Variants in RAB40C observed in about 807,000 individuals in gnomAD.
RAB40C encodes ras-related protein Rab-40C.
In RAB40C, 8 loss-of-function variants were observed where a neutral mutation model predicts 28.1. The ratio of observed to expected loss-of-function variants is 0.28; its 90% CI spans 0.17 to 0.51. RAB40C has a LOEUF of 0.51. RAB40C is among the 20% of genes least tolerant of loss of function. The pLI is 0.97. For missense variants in RAB40C, 288 were observed against 405.9 expected (o/e 0.71, Z 2.50); for synonymous variants, 201 against 171.7 (o/e 1.17, Z -1.34).
intron 3 of RAB40C, 66 bp from the exon 4 acceptor site, chr16:625,366 C>T (rs961601154): frequency 7.6e-6 from 12 of 1,572,732 alleles, no homozygotes; most frequent in South Asian, 3.3e-5. Flanking sequence ...TGCACCTGAG[C>T]GTCCCTGGGC....
In RAB40C at chr16:616,173, G is replaced by A. The variant is rs186534911; in HGVS notation, c.143-1035G>A. On this transcript the variant is annotated intron_variant, in intron 1 of 5. Coordinates refer to ENST00000248139, the MANE Select transcript of RAB40C (RefSeq NM_021168.5). ...CAGCAGGCTGAGGCTAGATAATGGC[G>A]TGAACCCGGGAGACGGAGCTTGCAG... Among the ~76,000 whole-genome samples, 58 of 150,458 alleles carry A rather than the reference G, an allele frequency of 3.9e-4. No individual in the cohort carries two copies. In the East Asian group the frequency reaches 0.01, roughly 27 times the overall value.
intron 1 of RAB40C, among the ~76,000 whole-genome samples, chr16:609,678 G>A (rs1346374763): frequency 6.6e-6 from 1 of 152,210 alleles, no homozygotes; most frequent in East Asian, 1.9e-4. Flanking sequence ...AACGCTCAGA[G>A]CACCGGAAGG....
chr16:614,039 C>T (rs563579154), intron 1 of RAB40C, among the ~76,000 whole-genome samples: 38 of 152,320 alleles, frequency 2.5e-4, no homozygotes, highest in Admixed American at 3.3e-4. Flanking sequence ...AACTCTACCG[C>T]GTCCCGATGG....
intron 1 of RAB40C, among the ~76,000 whole-genome samples, chr16:604,284 A>G (rs540564578): frequency 6.6e-6 from 1 of 152,162 alleles, no homozygotes; most frequent in Admixed American, 6.5e-5. Flanking sequence ...AAAACACGTC[A>G]TTTTAGCCAT....
At chr16:607,663 C>T (rs1263754707) in intron 1 of RAB40C, among the ~76,000 whole-genome samples, 12 of 139,986 alleles carry the variant, frequency 8.6e-5, no homozygotes, top group East Asian at 2.2e-4. Flanking sequence ...CGGTGGTGGG[C>T]GCCTGTAGTC....
chr16:595,983 T>C (rs542369372), intron 1 of RAB40C, among the ~76,000 whole-genome samples: 1 of 152,370 alleles, frequency 6.6e-6, no homozygotes, highest in East Asian at 1.9e-4. Context: ...GGTAGAATAT[T>C]GAATGTTAAG....
intron 1 of RAB40C, among the ~76,000 whole-genome samples, chr16:609,580 G>A (rs1402261871): frequency 6.6e-6 from 1 of 152,140 alleles, no homozygotes. Flanking sequence ...CAGACAGGCA[G>A]GAAAAGAGCT....
chr16:611,125 C>A (rs985944983), intron 1 of RAB40C, among the ~76,000 whole-genome samples: 3 of 152,226 alleles, frequency 2.0e-5, no homozygotes, highest in Non-Finnish European at 4.4e-5. Context: ...GCGGGAGGAG[C>A]ATCCCAGAGC....
chr16:590,447 C>T lies in RAB40C; in HGVS notation c.142+14C>T. The T allele has an allele frequency of 6.4e-7, 1 of 1,561,534 alleles. No homozygotes were observed. Among genetic ancestry groups the T allele is most frequent in the Non-Finnish European group, 8.6e-7 (1 of 1,157,542 alleles). On this transcript the variant is annotated intron_variant, in intron 1 of 5. Coordinates refer to ENST00000248139, the MANE Select transcript of RAB40C (RefSeq NM_021168.5). ...CCTACAGTAACGGTAAGGCCCGGCC[C>T]GCGGCGCGCGCTGCTACGCGGGGCC...
intron 3 of RAB40C, chr16:623,903 C>T (rs2036773024): frequency 1.0e-6 from 1 of 972,210 alleles, no homozygotes; most frequent in Non-Finnish European, 1.2e-6. Flanking sequence ...CTGCATGAAC[C>T]CCAGCCTGGC....
chr16:624,615 C>G (rs2036787796), intron 3 of RAB40C: 1 of 985,268 alleles, frequency 1.0e-6, no homozygotes, highest in Non-Finnish European at 1.2e-6. Context: ...CAGCCTCAGC[C>G]TCTTGTGTGA....
At chr16:589,525 C>A (rs1331347630), upstream of RAB40C, 1 of 152,272 alleles carries the variant, frequency 6.6e-6, no homozygotes, top group Admixed American at 6.5e-5. Flanking sequence ...ACGTGGACTT[C>A]CGAGCCCCTG....
intron 1 of RAB40C, among the ~76,000 whole-genome samples, chr16:593,484 C>G (rs570866857): frequency 3.3e-4 from 51 of 152,352 alleles, no homozygotes; most frequent in African/African-American, 1.2e-3. Context: ...CAGTGGGTGC[C>G]CTTGGCAGGG....
intron 1 of RAB40C, among the ~76,000 whole-genome samples, chr16:597,123 A>T (rs1479127183): frequency 6.6e-6 from 1 of 151,962 alleles, no homozygotes; most frequent in Non-Finnish European, 1.5e-5. Flanking sequence ...TCCAGGCAAG[A>T]TGGGATGGGA....
At chr16:617,147 G>C (rs1596411778) in intron 1 of RAB40C, 61 bp from the exon 2 acceptor site, 3 of 1,581,486 alleles carry the variant, frequency 1.9e-6, no homozygotes, top group East Asian at 2.2e-5. Flanking sequence ...GCCGAGGCTG[G>C]TCTCGCGGGC....
In RAB40C at chr16:615,877, G is replaced by A. The variant is rs150018864; in HGVS notation, c.143-1331G>A. Among the ~76,000 whole-genome samples the A allele has an allele frequency of 7.0e-4, 106 of 152,174 alleles. 6 individuals carry two copies. The South Asian group carries it at 0.012, about 17-fold the overall frequency. On this transcript the variant is annotated intron_variant, in intron 1 of 5. Transcript: ENST00000248139. ...CTTGGGAGGCTGAGGCAGGAGAATC[G>A]CTTGAACCCGGGAGGTGGAGGTTGT...
Position 600,420 on chromosome 16 carries a change from C to T in RAB40C, c.142+9987C>T, listed in dbSNP as rs560113683. Reference sequence around the variant, plus strand: ...GTAATAGAAATGGATGTCACCTAACCTGCCGAGTTTAAAACATTGTTGTTG... The same window carrying T: ...GTAATAGAAATGGATGTCACCTAACTTGCCGAGTTTAAAACATTGTTGTTG... On this transcript the variant is annotated intron_variant, in intron 1 of 5. Transcript: ENST00000248139. 1.2e-3 allele frequency among the ~76,000 whole-genome samples: 180 copies of T among 151,468 alleles called. 7 individuals carry two copies. In the South Asian group the frequency reaches 0.037, roughly 31 times the overall value.
At chr16:617,860 A>G (rs1261289006) in intron 2 of RAB40C, among the ~76,000 whole-genome samples, 1 of 152,112 alleles carries the variant, frequency 6.6e-6, no homozygotes, top group African/African-American at 2.4e-5. Flanking sequence ...AAAAAAAAAA[A>G]AGCATTTCCC....
At chr16:605,149 C>T (rs1010356381) in intron 1 of RAB40C, among the ~76,000 whole-genome samples, 1 of 152,188 alleles carries the variant, frequency 6.6e-6, no homozygotes, top group African/African-American at 2.4e-5. Flanking sequence ...CGTGTGAGCC[C>T]TGGAGTTGGA....
Sources: allele counts gnomAD v4.1 joint callset (sites outside exome capture counted in the v4.1 genomes callset), GRCh38; gene constraint gnomAD v4.1.1; transcripts MANE v1.5; gene names NCBI Gene and HGNC (gene_info 2026-07-23, HGNC 2026-07-21).